Variants in MLLT3 observed in about 807,000 individuals in gnomAD.
The protein encoded by MLLT3 is protein AF-9.
In MLLT3, 4 loss-of-function variants were observed where a neutral mutation model predicts 53.2. That is an observed-to-expected ratio of 0.08 (90% CI 0.04 to 0.17). MLLT3 has a LOEUF of 0.17. Ranked by LOEUF, MLLT3 falls within the 10% of genes least tolerant of loss-of-function variation. MLLT3 has a pLI of 1.00. For synonymous variants in MLLT3, 283 were observed against 230.6 expected, an observed-to-expected ratio of 1.23 and a Z score of -2.06; for missense variants, 569 against 684.0, an observed-to-expected ratio of 0.83 and a Z score of 1.87.
intron 2 of MLLT3, among the ~76,000 whole-genome samples, chr9:20,594,601 G>A (rs1428472993): frequency 1.3e-5 from 2 of 152,086 alleles, no homozygotes; most frequent in African/African-American, 4.8e-5. Flanking sequence ...CTTAGTCACA[G>A]GATAAGACAA....
chr9:20,365,061 T>C (rs1821416273), intron 6 of MLLT3, among the ~76,000 whole-genome samples: 1 of 152,198 alleles, frequency 6.6e-6, no homozygotes, highest in South Asian at 2.1e-4. Context: ...TGAAAACCTA[T>C]TTCCCTATGT....
At chr9:20,420,405 G>T (rs1475708468) in intron 4 of MLLT3, among the ~76,000 whole-genome samples, 1 of 152,116 alleles carries the variant, frequency 6.6e-6, no homozygotes, top group African/African-American at 2.4e-5. Flanking sequence ...AATGGAATGG[G>T]CAAAGAAATA....
At chr9:20,371,305 C>A (rs1450162842) in intron 5 of MLLT3, among the ~76,000 whole-genome samples, 2 of 152,210 alleles carry the variant, frequency 1.3e-5, no homozygotes, top group Non-Finnish European at 2.9e-5. Flanking sequence ...GGTGGCTACA[C>A]TACACAAATT....
intron 4 of MLLT3, among the ~76,000 whole-genome samples, chr9:20,441,927 A>T (rs1394571234): frequency 3.9e-5 from 6 of 152,172 alleles, no homozygotes; most frequent in Non-Finnish European, 8.8e-5. Flanking sequence ...TAAGAACATA[A>T]TTTGTTACAC....
chr9:20,504,931 G>T (rs1483638003), intron 2 of MLLT3, among the ~76,000 whole-genome samples: 2 of 152,064 alleles, frequency 1.3e-5, no homozygotes, highest in East Asian at 3.9e-4. Context: ...AAAGGTATTT[G>T]TCCACAATGA....
At chr9:20,493,489 T>C (rs1231038178) in intron 2 of MLLT3, among the ~76,000 whole-genome samples, 1 of 152,046 alleles carries the variant, frequency 6.6e-6, no homozygotes, top group East Asian at 1.9e-4. Flanking sequence ...AAAGGTTTCC[T>C]ATAAGAATGT....
At chr9:20,483,510 G>A (rs1824721221) in intron 2 of MLLT3, among the ~76,000 whole-genome samples, 1 of 151,738 alleles carries the variant, frequency 6.6e-6, no homozygotes, top group Admixed American at 6.6e-5. Context: ...CGGGATTACA[G>A]GCATGAGCCA....
chr9:20,471,145 T>C (rs1310845296), intron 2 of MLLT3, among the ~76,000 whole-genome samples: 1 of 152,112 alleles, frequency 6.6e-6, no homozygotes, highest in Non-Finnish European at 1.5e-5. Context: ...AGTTAATTCC[T>C]AGCATTCAAT....
intron 2 of MLLT3, among the ~76,000 whole-genome samples, chr9:20,575,657 T>A (rs1355082825): frequency 2.6e-5 from 4 of 152,190 alleles, no homozygotes. Flanking sequence ...TGAGCAGTAA[T>A]ATTTTGAAAG....
At chr9:20,365,798 C>A in intron 5 of MLLT3, 54 bp from the exon 6 acceptor site, 1 of 1,580,722 alleles carries the variant, frequency 6.3e-7, no homozygotes, top group Non-Finnish European at 8.7e-7. Context: ...TACCACACAT[C>A]TAAAGTTGAA....
chr9:20,422,019 G>T (rs1253776186), intron 4 of MLLT3, among the ~76,000 whole-genome samples: 2 of 151,970 alleles, frequency 1.3e-5, no homozygotes, highest in African/African-American at 4.8e-5. Flanking sequence ...GTGTTTTAAA[G>T]AATCAAAACC....
rs575969460 is a variant in MLLT3 at position 20,535,823 on chromosome 9, G to A, written c.194-79037C>T. 3.3e-5 allele frequency among the ~76,000 whole-genome samples: 5 copies of A among 152,258 alleles called. No homozygotes were observed. In the East Asian group the frequency reaches 9.6e-4, roughly 29 times the overall value. ...CAAAAACTGTTTGATACCGGCAAGTGTTAGGAGAAATAGGAAGATGCCCAT... is the reference window on the plus strand; with the variant it reads ...CAAAAACTGTTTGATACCGGCAAGTATTAGGAGAAATAGGAAGATGCCCAT... On this transcript the variant is annotated intron_variant, in intron 2 of 10. Transcript: ENST00000380338.
At chr9:20,396,610 A>G (rs867313629) in intron 5 of MLLT3, among the ~76,000 whole-genome samples, 6 of 152,054 alleles carry the variant, frequency 3.9e-5, no homozygotes, top group African/African-American at 1.4e-4. Flanking sequence ...CCAAAGTGCT[A>G]TGGTTCCAAG....
intron 6 of MLLT3, 47 bp downstream of exon 6, chr9:20,365,622 G>A (rs553939205): frequency 6.2e-6 from 10 of 1,605,450 alleles, no homozygotes; most frequent in African/African-American, 4.0e-5. Context: ...TGCCATTAAG[G>A]TGTTTTATGA....
chr9:20,492,349 C>T (rs1824968722), intron 2 of MLLT3, among the ~76,000 whole-genome samples: 1 of 151,906 alleles, frequency 6.6e-6, no homozygotes. Context: ...AAAGAACTTA[C>T]AGATAGTTTT....
chr9:20,608,683 T>C (rs778458699), intron 2 of MLLT3, among the ~76,000 whole-genome samples: 28 of 151,930 alleles, frequency 1.8e-4, no homozygotes, highest in Non-Finnish European at 3.7e-4. Context: ...AATTTGAAAA[T>C]GTTTCTTGGG....
chr9:20,524,473 T>C (rs1818147960), intron 2 of MLLT3, among the ~76,000 whole-genome samples: 1 of 152,000 alleles, frequency 6.6e-6, no homozygotes, highest in South Asian at 2.1e-4. Flanking sequence ...TCATCTTCCA[T>C]ACTTTTTAAA....
At position 20,342,534 on chromosome 9, in the gene MLLT3, C is replaced by T. The variant is rs150287905; in HGVS notation, c.*3909G>A. 412 of 221,448 alleles carry T rather than the reference C, an allele frequency of 1.9e-3. 2 individuals carry two copies. The highest frequency in any genetic ancestry group is 8.7e-3 in the African/African-American group (389 of 44,722). The allele number at this position is 221,448 out of a possible 1,614,324, so 13.7% of individuals were successfully genotyped here. A position where few individuals can be genotyped will look rare whatever the true frequency, so the allele number is the denominator to read the frequency against. The stretch of plus-strand genomic sequence containing the variant: ...CCATCATAACTCTATTTTCAGAATA[C>T]TGGAGTACAAGTGCCAAAATACACA... On this transcript the variant is annotated 3_prime_UTR_variant, in exon 11 of 11. Transcript: ENST00000380338.
chr9:20,489,749 C>A (rs960602518), intron 2 of MLLT3, among the ~76,000 whole-genome samples: 2 of 152,098 alleles, frequency 1.3e-5, no homozygotes, highest in Admixed American at 6.5e-5. Context: ...GTAAGTCTGT[C>A]GTAGCAGCTT....
Sources: gnomAD v4.1 joint callset for allele counts (sites outside exome capture counted in the v4.1 genomes callset) on GRCh38, gnomAD v4.1.1 for gene constraint, MANE v1.5 for transcripts, NCBI Gene and HGNC (gene_info 2026-07-23, HGNC 2026-07-21) for gene names.